Variants in OR7A5 observed in about 807,000 individuals in gnomAD.
The protein encoded by OR7A5 is olfactory receptor family 7 subfamily A member 5.
For missense variants in OR7A5, 319 were observed against 377.9 expected (o/e 0.84, Z 1.29); for synonymous variants, 140 against 146.7 (o/e 0.95, Z 0.33).
chr19:14,831,761 C>G (rs1420859197), intron 1 of OR7A5, among the ~76,000 whole-genome samples: 1 of 150,852 alleles, frequency 6.6e-6, no homozygotes, highest in Admixed American at 6.6e-5. Flanking sequence ...TTTTTTTTTG[C>G]TACTTGTGGA....
At chr19:14,832,782 T>C (rs566412095) in intron 1 of OR7A5, among the ~76,000 whole-genome samples, 2 of 152,212 alleles carry the variant, frequency 1.3e-5, no homozygotes, top group African/African-American at 2.4e-5. Context: ...AAAAGAATTA[T>C]AAAATTAGAA....
intron 1 of OR7A5, among the ~76,000 whole-genome samples, chr19:14,828,911 A>AAAGAATATAAACAAATTAAACAATCGAAT (rs2044803540): frequency 6.6e-6 from 1 of 151,748 alleles, no homozygotes; most frequent in Non-Finnish European, 1.5e-5. Context: ...AATGATGAAG[A>AAAGAATATAAACAAATTAAACAATCGAAT]AAGAATATAA....
At chr19:14,833,474 G>A (rs901687767) in intron 1 of OR7A5, among the ~76,000 whole-genome samples, 10 of 151,998 alleles carry the variant, frequency 6.6e-5, no homozygotes, top group East Asian at 1.9e-4. Flanking sequence ...GCGAGACTCC[G>A]TCTCAAAAAA....
In OR7A5 at chr19:14,827,308, C is replaced by T; in HGVS notation, c.934G>A (p.Gly312Arg). ...CATGGGCACTTCTTGAAAAATTGCC[C>T]TTTCATTGTTCCCCACAACAAATGT... ...GIHLLWGTMK[G>R]QFFKKCP The change falls in exon 2 of 2, where the codon GGG (glycine) becomes AGG (arginine). Residue 312 changes from glycine (G) to arginine (R), a missense_variant. Transcript: ENST00000322301. 6.4e-7 allele frequency: 1 copy of T among 1,556,300 alleles called. No homozygotes were observed.
chr19:14,831,842 C>T (rs1260572777), intron 1 of OR7A5, among the ~76,000 whole-genome samples: 2 of 152,040 alleles, frequency 1.3e-5, no homozygotes, highest in Non-Finnish European at 1.5e-5. Flanking sequence ...CATGAAAATG[C>T]CTGCCCAGAC....
chr19:14,827,502 A>G lies in OR7A5; in HGVS notation c.740T>C (p.Val247Ala), dbSNP rs112351188. ...GATTGCACCATAAAATAAGGAGACA[A>G]CTGAGAGGTGAGATGCACAGGTGGA... ...AFSTCASHLS[V>A]VSLFYGAILG... is the part of the protein sequence containing the mutation. The change falls in exon 2 of 2, where the codon GTT becomes GCT. Residue 247 changes from valine to alanine, a missense_variant. Val to Ala is a moderately conservative substitution (Grantham distance 64, BLOSUM62 0). Transcript: ENST00000322301. 3.7e-6 allele frequency: 6 copies of G among 1,614,038 alleles called. No individual in the cohort carries two copies. In the African/African-American group the frequency reaches 8.0e-5, roughly 22 times the overall value.
At chr19:14,834,353 C>A (rs10409770) in intron 1 of OR7A5, among the ~76,000 whole-genome samples, 10,426 of 152,210 alleles carry the variant, frequency 0.068, 536 homozygotes, top group African/African-American at 0.15. Flanking sequence ...CAGTGTTTCT[C>A]AATCTCAGCA....
At position 14,827,735 on chromosome 19, in the gene OR7A5, G is replaced by A. The variant is rs1450667261; in HGVS notation, c.507C>T (p.Cys169=). Residue 169 remains cysteine (C), a synonymous_variant, in exon 2 of 2, where the codon TGC becomes TGT. Transcript: ENST00000322301. ...AAAAGTGGGGGATTTCTAAGGCTGT[G>A]CAGAAGGACAGCCGTACTACCATTA... ...QILMVVRLSF[C]TALEIPHFFC... 6.2e-7 allele frequency: 1 copy of A among 1,614,092 alleles called. No homozygotes were observed. Among genetic ancestry groups the A allele is most frequent in the South Asian group, 1.1e-5 (1 of 91,082 alleles).
At chr19:14,833,751 T>C (rs2044856936) in intron 1 of OR7A5, among the ~76,000 whole-genome samples, 1 of 152,174 alleles carries the variant, frequency 6.6e-6, no homozygotes, top group South Asian at 2.1e-4. Context: ...TGATCAAATA[T>C]ATGAATATTT....
rs768892693 is a variant in OR7A5 at position 14,827,306 on chromosome 19, C to T, written c.936G>A (p.Gly312=). 1 of 1,553,750 alleles carries T rather than the reference C, an allele frequency of 6.4e-7. No individual in the cohort carries two copies. The highest frequency in any genetic ancestry group is 1.4e-5 in the African/African-American group (1 of 72,804). Residue 312 remains glycine, a synonymous_variant, in exon 2 of 2, where the codon GGG becomes GGA. Transcript: ENST00000322301. ...GIHLLWGTMK[G]QFFKKCP is the part of the protein sequence containing the mutation. The stretch of plus-strand genomic sequence containing the variant: ...ATCATGGGCACTTCTTGAAAAATTG[C>T]CCTTTCATTGTTCCCCACAACAAAT...
intron 1 of OR7A5, among the ~76,000 whole-genome samples, chr19:14,834,373 T>C (rs1164974768): frequency 1.3e-5 from 2 of 152,202 alleles, no homozygotes; most frequent in African/African-American, 2.4e-5. Flanking sequence ...ACTATTGATA[T>C]TCTGGGCTAG....
chr19:14,827,337 C>T lies in OR7A5; in HGVS notation c.905G>A (p.Gly302Glu), dbSNP rs2044777939. Residue 302 changes from glycine to glutamate, a missense_variant, in exon 2 of 2, where the codon GGA (glycine) becomes GAA (glutamate). Gly to Glu is a moderately conservative substitution (Grantham distance 98, BLOSUM62 -2). Coordinates refer to ENST00000322301, the MANE Select transcript of OR7A5 (RefSeq NM_017506.2). ...LRNKDIKRALGIHLLWGTMKG... is the reference protein window; with the variant it reads ...LRNKDIKRALEIHLLWGTMKG... ...CATTGTTCCCCACAACAAATGTATT[C>T]CCAGAGCCCTCTTTATGTCTTTATT... 6.3e-7 allele frequency: 1 copy of T among 1,591,618 alleles called. No homozygotes were observed. The highest frequency in any genetic ancestry group is 8.5e-7 in the Non-Finnish European group (1 of 1,171,676).
chr19:14,830,736 A>G (rs1165266537), intron 1 of OR7A5, among the ~76,000 whole-genome samples: 1 of 152,232 alleles, frequency 6.6e-6, no homozygotes, highest in African/African-American at 2.4e-5. Context: ...TGGAGTCCTA[A>G]TTAGGGAAAT....
At chr19:14,833,705 A>G (rs1273374374) in intron 1 of OR7A5, among the ~76,000 whole-genome samples, 4 of 152,220 alleles carry the variant, frequency 2.6e-5, no homozygotes, top group African/African-American at 9.6e-5. Context: ...ACTGTATAAA[A>G]ATGGGCATAT....
At chr19:14,829,227 C>T (rs1209237936) in intron 1 of OR7A5, among the ~76,000 whole-genome samples, 7 of 152,178 alleles carry the variant, frequency 4.6e-5, no homozygotes, top group Admixed American at 4.6e-4. Context: ...TTTTTTGAGA[C>T]AGAGTCTCGC....
At chr19:14,831,749 A>T (rs201864029) in intron 1 of OR7A5, among the ~76,000 whole-genome samples, 3 of 139,110 alleles carry the variant, frequency 2.2e-5, no homozygotes, top group South Asian at 2.3e-4. Context: ...GGCCTATTTT[A>T]TTTTTTTTTT....
At chr19:14,833,908 G>A (rs1158081619) in intron 1 of OR7A5, among the ~76,000 whole-genome samples, 1 of 152,174 alleles carries the variant, frequency 6.6e-6, no homozygotes, top group Non-Finnish European at 1.5e-5. Flanking sequence ...TAATTTTGGT[G>A]ACAGAAATAA....
At chr19:14,828,285 C>G (rs201380372) in intron 1 of OR7A5, 31 bp from the exon 2 acceptor site, 1 of 1,563,402 alleles carries the variant, frequency 6.4e-7, no homozygotes, top group Non-Finnish European at 8.7e-7. Context: ...AAGAGGGAAA[C>G]GAGACAGGCA....
chr19:14,828,672 A>C (rs2044799163), intron 1 of OR7A5, among the ~76,000 whole-genome samples: 1 of 148,982 alleles, frequency 6.7e-6, no homozygotes. Context: ...GGCAAGGAGA[A>C]TCTCTTGACC....
Sources: gnomAD v4.1 joint callset for allele counts (sites outside exome capture counted in the v4.1 genomes callset) on GRCh38, gnomAD v4.1.1 for gene constraint, MANE v1.5 for transcripts, NCBI Gene and HGNC (gene_info 2026-07-23, HGNC 2026-07-21) for gene names.